Variants in ADGRL3 observed in about 807,000 individuals in gnomAD.
The protein encoded by ADGRL3 is adhesion G protein-coupled receptor L3.
Under a neutral mutation model 153.5 loss-of-function variants are expected in ADGRL3, and 62 were observed. The observed-to-expected ratio is 0.40, with a 90% CI of 0.33 to 0.50. The LOEUF is 0.50. Among genes scored for constraint, ADGRL3 ranks in the 20% least tolerant of loss-of-function variants. The pLI is 0.47. For synonymous variants in ADGRL3, 710 were observed against 672.5 expected, an observed-to-expected ratio of 1.06 and a Z score of -0.86; for missense variants, 1,641 against 1,859.4, an observed-to-expected ratio of 0.88 and a Z score of 2.16.
intron 6 of ADGRL3, among the ~76,000 whole-genome samples, chr4:61,680,984 G>A (rs113847692): frequency 2.0e-5 from 3 of 152,008 alleles, no homozygotes; most frequent in African/African-American, 7.2e-5. Flanking sequence ...TGTAGCCTTT[G>A]CATTTTCTTA....
chr4:61,500,236 A>G (rs1354496123), intron 3 of ADGRL3, among the ~76,000 whole-genome samples: 1 of 152,172 alleles, frequency 6.6e-6, no homozygotes, highest in Non-Finnish European at 1.5e-5. Context: ...AGAGGACAAA[A>G]CAATATAGAA....
intron 2 of ADGRL3, among the ~76,000 whole-genome samples, chr4:61,456,488 GATATATCTATATCT>G (rs2097756917): frequency 1.9e-5 from 1 of 52,960 alleles, no homozygotes; most frequent in Non-Finnish European, 4.5e-5. Context: ...TATATATATA[GATATATCTATATCT>G]ATATATATAT....
At chr4:62,011,813 A>G (rs898316576) in intron 21 of ADGRL3, among the ~76,000 whole-genome samples, 1 of 152,168 alleles carries the variant, frequency 6.6e-6, no homozygotes, top group African/African-American at 2.4e-5. Flanking sequence ...AAAAGTCTTA[A>G]TCAGAAAATA....
intron 2 of ADGRL3, among the ~76,000 whole-genome samples, chr4:61,491,039 A>G (rs1252923731): frequency 6.6e-6 from 1 of 152,146 alleles, no homozygotes; most frequent in Non-Finnish European, 1.5e-5. Flanking sequence ...CAAATATATT[A>G]ACATTTGATA....
intron 9 of ADGRL3, among the ~76,000 whole-genome samples, chr4:61,821,181 C>A (rs2097752050): frequency 8.4e-6 from 1 of 119,454 alleles, no homozygotes; most frequent in Admixed American, 9.0e-5. Context: ...CAAATTCCTG[C>A]CAATTACCAA....
At chr4:61,329,222 C>T (rs548007823) in intron 1 of ADGRL3, among the ~76,000 whole-genome samples, 1 of 152,144 alleles carries the variant, frequency 6.6e-6, no homozygotes, top group South Asian at 2.1e-4. Context: ...GATGCAGTTT[C>T]AAATAACTTT....
intron 23 of ADGRL3, among the ~76,000 whole-genome samples, chr4:62,031,982 CA>C: frequency 7.1e-6 from 1 of 141,218 alleles, no homozygotes; most frequent in East Asian, 2.0e-4. Context: ...CACACACACA[CA>C]CACACACACA....
At chr4:61,735,190 C>T (rs998130731) in intron 8 of ADGRL3, among the ~76,000 whole-genome samples, 1 of 152,176 alleles carries the variant, frequency 6.6e-6, no homozygotes, top group Non-Finnish European at 1.5e-5. Context: ...TAATAAGGCT[C>T]AATCACTCTT....
intron 19 of ADGRL3, among the ~76,000 whole-genome samples, chr4:61,990,449 T>G (rs935144194): frequency 2.0e-5 from 3 of 151,912 alleles, no homozygotes; most frequent in African/African-American, 7.2e-5. Context: ...GTACAGAGTT[T>G]CATTTTGGTA....
At chr4:61,585,103 G>A (rs1336980165) in intron 4 of ADGRL3, among the ~76,000 whole-genome samples, 1 of 151,848 alleles carries the variant, frequency 6.6e-6, no homozygotes, top group Non-Finnish European at 1.5e-5. Flanking sequence ...TTCAATCAAT[G>A]CTGTGGATGT....
At chr4:61,720,891 C>T (rs13122547) in intron 6 of ADGRL3, among the ~76,000 whole-genome samples, 19 of 152,088 alleles carry the variant, frequency 1.2e-4, no homozygotes, top group South Asian at 4.2e-4. Flanking sequence ...GTGCAGGCTT[C>T]GAAGTTCAAA....
intron 2 of ADGRL3, among the ~76,000 whole-genome samples, chr4:61,488,732 C>T (rs945691040): frequency 5.3e-5 from 8 of 151,944 alleles, no homozygotes; most frequent in Non-Finnish European, 1.0e-4. Flanking sequence ...ACTTAACGTT[C>T]TTCAAATAAT....
chr4:61,265,754 C>T (rs1296423885), intron 1 of ADGRL3, among the ~76,000 whole-genome samples: 1 of 151,780 alleles, frequency 6.6e-6, no homozygotes, highest in African/African-American at 2.4e-5. Context: ...TCGTCATTTC[C>T]AGCAGATAGG....
At chr4:61,500,739 T>C (rs2152824626) in intron 3 of ADGRL3, among the ~76,000 whole-genome samples, 1 of 152,290 alleles carries the variant, frequency 6.6e-6, no homozygotes, top group South Asian at 2.1e-4. Context: ...GCCATAAACT[T>C]TAGATGTTTT....
At chr4:61,254,772 T>C (rs1479087952) in intron 1 of ADGRL3, among the ~76,000 whole-genome samples, 1 of 152,202 alleles carries the variant, frequency 6.6e-6, no homozygotes, top group Non-Finnish European at 1.5e-5. Context: ...GCATCCAGGA[T>C]GGATGCTGAT....
chr4:61,350,205 A>G (rs1168404954), intron 1 of ADGRL3, among the ~76,000 whole-genome samples: 1 of 152,128 alleles, frequency 6.6e-6, no homozygotes, highest in Non-Finnish European at 1.5e-5. Flanking sequence ...ATAAACCCAT[A>G]TATCTAATAT....
In ADGRL3 at chr4:61,936,013, C is replaced by T. The variant is rs2098836757; in HGVS notation, c.2387C>T (p.Ser796Phe). The T allele has an allele frequency of 2.5e-6, 4 of 1,610,502 alleles. No individual in the cohort carries two copies. Among genetic ancestry groups the T allele is most frequent in the Non-Finnish European group, 2.5e-6 (3 of 1,178,370 alleles). Reference sequence around the variant, plus strand: ...GGCCATGGAAGCACTATCCAGCTGTCTGCAAATACCTTAAAGCAAAATGGC... The same window carrying T: ...GGCCATGGAAGCACTATCCAGCTGTTTGCAAATACCTTAAAGCAAAATGGC... The part of the protein sequence containing the change: ...NMGHGSTIQL[S>F]ANTLKQNGRN... The change falls in exon 15 of 27, where the codon TCT (serine) becomes TTT (phenylalanine). Residue 796 changes from serine (S) to phenylalanine (F), a missense_variant. Coordinates refer to ENST00000683033, the MANE Select transcript of ADGRL3 (RefSeq NM_001387552.1).
At chr4:61,828,199 T>C (rs1276742348) in intron 9 of ADGRL3, among the ~76,000 whole-genome samples, 1 of 152,162 alleles carries the variant, frequency 6.6e-6, no homozygotes, top group African/African-American at 2.4e-5. Context: ...ATTTGAATAA[T>C]TGTAGTTCTT....
chr4:62,055,639 C>T (rs28689501), intron 25 of ADGRL3, among the ~76,000 whole-genome samples: 3,986 of 151,672 alleles, frequency 0.026, 187 homozygotes, highest in African/African-American at 0.093. Flanking sequence ...ACTTATGTAA[C>T]TTTGAAAGGT....
Sources: gnomAD v4.1 joint callset for allele counts (sites outside exome capture counted in the v4.1 genomes callset) on GRCh38, gnomAD v4.1.1 for gene constraint, MANE v1.5 for transcripts, NCBI Gene and HGNC (gene_info 2026-07-23, HGNC 2026-07-21) for gene names.